ZDHHC14: variants seen among roughly 807,000 people sequenced by gnomAD.
The protein encoded by ZDHHC14 is palmitoyltransferase ZDHHC14.
A neutral mutation model predicts 47.7 loss-of-function variants in ZDHHC14; 16 were observed. The ratio of observed to expected loss-of-function variants is 0.34; its 90% CI spans 0.23 to 0.51. ZDHHC14 has a LOEUF of 0.51. Ranked by LOEUF, ZDHHC14 falls within the 20% of genes least tolerant of loss-of-function variation. The pLI, the probability that ZDHHC14 is intolerant of heterozygous loss-of-function variation, is 0.97. For synonymous variants in ZDHHC14, 293 were observed against 278.9 expected, an observed-to-expected ratio of 1.05 and a Z score of -0.50; for missense variants, 515 against 662.5, an observed-to-expected ratio of 0.78 and a Z score of 2.44.
chr6:157,544,227 C>G (rs1781876042), intron 2 of ZDHHC14, among the ~76,000 whole-genome samples: 1 of 152,254 alleles, frequency 6.6e-6, no homozygotes, highest in South Asian at 2.1e-4. Flanking sequence ...AAATCCTCTT[C>G]TCAGTGCAAG....
At chr6:157,468,664 C>T (rs1318931401) in intron 1 of ZDHHC14, among the ~76,000 whole-genome samples, 1 of 152,200 alleles carries the variant, frequency 6.6e-6, no homozygotes, top group African/African-American at 2.4e-5. Flanking sequence ...TTTGTGAAGT[C>T]GTCTTGCTTT....
intron 4 of ZDHHC14, 183 bp downstream of exon 4, chr6:157,628,669 G>A (rs1785535945): frequency 1.8e-5 from 13 of 724,272 alleles, no homozygotes; most frequent in South Asian, 1.1e-4. Flanking sequence ...TCCCTCCTCC[G>A]TCCCCTGTCA....
chr6:157,554,142 C>T (rs9457772), intron 2 of ZDHHC14, among the ~76,000 whole-genome samples: 71,892 of 152,050 alleles, frequency 0.47, 17,162 homozygotes, highest in Middle Eastern at 0.55. Flanking sequence ...CAATTTGGAG[C>T]GTCCACTTTT....
chr6:157,608,950 G>A (rs1784652642), intron 3 of ZDHHC14, among the ~76,000 whole-genome samples: 1 of 152,180 alleles, frequency 6.6e-6, no homozygotes, highest in African/African-American at 2.4e-5. Flanking sequence ...GAACTGACAG[G>A]ACTTGATACT....
At chr6:157,424,616 T>C (rs1778179433) in intron 1 of ZDHHC14, among the ~76,000 whole-genome samples, 1 of 152,162 alleles carries the variant, frequency 6.6e-6, no homozygotes, top group South Asian at 2.1e-4. Flanking sequence ...TAAAAAGCCT[T>C]TCTGGAGGTT....
At chr6:157,437,286 T>C (rs1256624610) in intron 1 of ZDHHC14, among the ~76,000 whole-genome samples, 3 of 152,222 alleles carry the variant, frequency 2.0e-5, no homozygotes, top group Non-Finnish European at 2.9e-5. Flanking sequence ...CATGCAGGAA[T>C]GCCAAATAAG....
intron 7 of ZDHHC14, among the ~76,000 whole-genome samples, chr6:157,650,679 G>A (rs1034267093): frequency 2.7e-5 from 4 of 150,346 alleles, no homozygotes; most frequent in Non-Finnish European, 5.9e-5. Flanking sequence ...GAGAGAGCAC[G>A]TCAGAGCACT....
chr6:157,554,677 T>G (rs1389474045), intron 2 of ZDHHC14, among the ~76,000 whole-genome samples: 1 of 152,212 alleles, frequency 6.6e-6, no homozygotes, highest in Non-Finnish European at 1.5e-5. Flanking sequence ...TGTATCCATC[T>G]TATTTATTTT....
At chr6:157,584,089 G>A (rs951121374) in intron 2 of ZDHHC14, among the ~76,000 whole-genome samples, 4 of 152,304 alleles carry the variant, frequency 2.6e-5, no homozygotes, top group African/African-American at 9.6e-5. Context: ...CCCAGTCCAA[G>A]GGCAGCAAGG....
chr6:157,640,679 C>T (rs773413168), intron 5 of ZDHHC14, among the ~76,000 whole-genome samples: 2 of 152,186 alleles, frequency 1.3e-5, no homozygotes, highest in African/African-American at 2.4e-5. Context: ...GAGATACTTC[C>T]TGCTACCCCT....
Position 157,677,966 on chromosome 6 carries a change from T to C in ZDHHC14, c.*4844T>C, listed in dbSNP as rs975576028. 6.6e-6 allele frequency: 1 copy of C among 151,084 alleles called. No homozygotes were observed. The highest frequency in any genetic ancestry group is 2.4e-5 in the African/African-American group (1 of 41,024). 9.4% of individuals were successfully genotyped at this position (151,084 alleles called of 1,614,324 possible). On this transcript the variant is annotated 3_prime_UTR_variant, in exon 9 of 9. Transcript: ENST00000359775. The stretch of plus-strand genomic sequence containing the variant: ...AAAAAAAAAAAGCATTTTAAACTCT[T>C]AGTGAATTCAAAGCTCTAAATCCAA...
At chr6:157,492,459 G>A (rs1428472356) in intron 1 of ZDHHC14, among the ~76,000 whole-genome samples, 1 of 145,122 alleles carries the variant, frequency 6.9e-6, no homozygotes, top group African/African-American at 2.9e-5. Flanking sequence ...AAGCGGGAAG[G>A]CGGAGGCTCC....
intron 3 of ZDHHC14, among the ~76,000 whole-genome samples, chr6:157,603,838 T>A (rs1784429519): frequency 1.3e-5 from 2 of 152,118 alleles, no homozygotes; most frequent in Admixed American, 1.3e-4. Flanking sequence ...GCAGTATCCC[T>A]TACAACCTCT....
At chr6:157,514,146 T>C (rs992061448) in intron 1 of ZDHHC14, among the ~76,000 whole-genome samples, 4 of 152,140 alleles carry the variant, frequency 2.6e-5, no homozygotes, top group Admixed American at 2.0e-4. Context: ...GGTTCAGAGA[T>C]TAAAAGAAAA....
Position 157,672,832 on chromosome 6 carries a change from G to T in ZDHHC14, c.1177G>T (p.Gly393Trp), listed in dbSNP as rs777541858. The change falls in exon 9 of 9, where the codon GGG (glycine) becomes TGG (tryptophan). Residue 393 changes from glycine (G) to tryptophan (W), a missense_variant. Around this residue, in one of 4 missense-constraint regions of ZDHHC14, gnomAD observed 221 missense variants for 233.6 expected, o/e 0.95. Coordinates refer to ENST00000359775, the MANE Select transcript of ZDHHC14 (RefSeq NM_024630.3). ...SLTSDELHLP[G>W]KPGLGTPCAS... ...CACCAGCGACGAGCTGCACCTGCCC[G>T]GGAAGCCTGGCCTGGGCACGCCCTG... 6.2e-7 allele frequency: 1 copy of T among 1,611,448 alleles called. No homozygotes were observed. The highest frequency in any genetic ancestry group is 8.5e-7 in the Non-Finnish European group (1 of 1,179,400).
chr6:157,608,290 G>C (rs1200279825), intron 3 of ZDHHC14, among the ~76,000 whole-genome samples: 5 of 151,998 alleles, frequency 3.3e-5, no homozygotes, highest in African/African-American at 1.2e-4. Flanking sequence ...CTCTGTGCTC[G>C]GGAGCTCTGG....
intron 2 of ZDHHC14, 109 bp from the exon 3 acceptor site, chr6:157,592,879 G>C (rs1783970329): frequency 6.7e-7 from 1 of 1,496,558 alleles, no homozygotes; most frequent in East Asian, 2.4e-5. Flanking sequence ...CGGGGGCCCT[G>C]CCAGCCGCTG....
rs1238857646 is a variant in ZDHHC14 at position 157,672,911 on chromosome 6, C to T, written c.1256C>T (p.Ala419Val). The T allele has an allele frequency of 6.2e-7, 1 of 1,604,778 alleles. No individual in the cohort carries two copies. Among genetic ancestry groups the T allele is most frequent in the Admixed American group, 1.7e-5 (1 of 59,388 alleles). Reference sequence around the variant, plus strand: ...CCGCCCGCCTCCATGCCCAACCTCGCCGAGGCCACGCTCGCGGACGTGATG... The same window carrying T: ...CCGCCCGCCTCCATGCCCAACCTCGTCGAGGCCACGCTCGCGGACGTGATG... Reference protein sequence around the residue: ...PTPPASMPNLAEATLADVMPR... With the variant: ...PTPPASMPNLVEATLADVMPR... Residue 419 changes from alanine to valine, a missense_variant, in exon 9 of 9, where the codon GCC becomes GTC. Coordinates refer to ENST00000359775, the MANE Select transcript of ZDHHC14 (RefSeq NM_024630.3).
chr6:157,429,577 G>C (rs1043168861), intron 1 of ZDHHC14, among the ~76,000 whole-genome samples: 1 of 140,576 alleles, frequency 7.1e-6, no homozygotes, highest in Admixed American at 7.0e-5. Flanking sequence ...TAGGAAGGAA[G>C]GAAGGGAGGG....
Sources: gnomAD v4.1 joint callset for allele counts (sites outside exome capture counted in the v4.1 genomes callset) on GRCh38, gnomAD v4.1.1 for gene constraint, gnomAD v4.1.1 regional missense constraint, MANE v1.5 for transcripts, NCBI Gene and HGNC (gene_info 2026-07-23, HGNC 2026-07-21) for gene names.